PITPNM2: variants seen among roughly 807,000 people sequenced by gnomAD.
The protein encoded by PITPNM2 is membrane-associated phosphatidylinositol transfer protein 2.
Under a neutral mutation model 132.2 loss-of-function variants are expected in PITPNM2, and 35 were observed. That is an observed-to-expected ratio of 0.26 (90% CI 0.20 to 0.35). The LOEUF (loss-of-function observed/expected upper bound fraction) is 0.35, where lower values mean the gene tolerates loss of function less well. Ranked by LOEUF, PITPNM2 falls within the 10% of genes least tolerant of loss-of-function variation. The probability of loss-of-function intolerance (pLI) is 1.00; values close to 1 mark genes in which losing one functional copy is unlikely to be tolerated. For synonymous variants in PITPNM2, 738 were observed against 799.2 expected (o/e 0.92, Z 1.29); for missense variants, 1,332 against 1,912.0 (o/e 0.70, Z 5.66).
chr12:123,105,623 G>A (rs552508422), intron 2 of PITPNM2: 200 of 152,262 alleles, frequency 1.3e-3, no homozygotes, highest in Admixed American at 2.5e-3. Flanking sequence ...CCTGGTTACC[G>A]GGAGGCATGA....
At chr12:123,127,464 T>C (rs536883177) in intron 1 of PITPNM2, among the ~76,000 whole-genome samples, 2 of 152,330 alleles carry the variant, frequency 1.3e-5, no homozygotes, top group East Asian at 3.9e-4. Flanking sequence ...GTTTGCCTAC[T>C]TATTTTGCAA....
intron 14 of PITPNM2, 108 bp downstream of exon 14, chr12:122,995,281 T>C: frequency 1.4e-6 from 2 of 1,453,178 alleles, no homozygotes; most frequent in Middle Eastern, 2.5e-4. Context: ...TGGGGGAACC[T>C]CAGGCAGACA....
chr12:123,010,208 A>G, intron 5 of PITPNM2, 131 bp from the exon 6 acceptor site: 1 of 724,998 alleles, frequency 1.4e-6, no homozygotes, highest in Non-Finnish European at 2.3e-6. Flanking sequence ...CCTGGGAGTG[A>G]GGATCATGTT....
intron 1 of PITPNM2, among the ~76,000 whole-genome samples, chr12:123,139,244 T>TA (rs1451847018): frequency 2.0e-5 from 3 of 152,176 alleles, no homozygotes; most frequent in African/African-American, 7.2e-5. Flanking sequence ...CTCACACCTG[T>TA]AATCCCAGCA....
At position 123,022,949 on chromosome 12, in the gene PITPNM2, C is replaced by A. The variant is rs2039726056; in HGVS notation, c.79-8907G>T. Reference sequence around the variant, plus strand: ...CTCCCTCCCCAGAGCCCCGCTGGGACCAAGCAAGGCGGGCTGTGCTCTGCT... The same window carrying A: ...CTCCCTCCCCAGAGCCCCGCTGGGAACAAGCAAGGCGGGCTGTGCTCTGCT... On this transcript the variant is annotated intron_variant, in intron 3 of 25. Coordinates refer to ENST00000320201, the MANE Select transcript of PITPNM2 (RefSeq NM_020845.3). This position sits in a 1 kb window ranked among gnomAD's most constrained non-coding sequence, Gnocchi z 4.9. Among the ~76,000 whole-genome samples the A allele has an allele frequency of 6.6e-6, 1 of 152,234 alleles. No individual in the cohort carries two copies. The highest frequency in any genetic ancestry group is 1.5e-5 in the Non-Finnish European group (1 of 68,036).
rs754487931 is a variant in PITPNM2 at position 123,108,369 on chromosome 12, T to G, written c.-96+2016A>C. 2.6e-5 allele frequency among the ~76,000 whole-genome samples: 4 copies of G among 152,184 alleles called. No individual in the cohort carries two copies. Among genetic ancestry groups the G allele is most frequent in the Non-Finnish European group, 5.9e-5 (4 of 68,030 alleles). On this transcript the variant is annotated intron_variant, in intron 2 of 25. Coordinates refer to ENST00000320201, the MANE Select transcript of PITPNM2 (RefSeq NM_020845.3). This position sits in a 1 kb window ranked among gnomAD's most constrained non-coding sequence, Gnocchi z 4.4. Reference sequence around the variant, plus strand: ...TTAAGAAGGAATAGAACCTCCTTCCTGTAAGAAAGGAGACAGGAGACCAAG... The same window carrying G: ...TTAAGAAGGAATAGAACCTCCTTCCGGTAAGAAAGGAGACAGGAGACCAAG...
In PITPNM2 at chr12:123,078,505, T is replaced by TGACC. The variant is rs1181122195; in HGVS notation, c.-96+31876_-96+31879dup. 4.6e-5 allele frequency among the ~76,000 whole-genome samples: 7 copies of TGACC among 152,168 alleles called. No homozygotes were observed. Among genetic ancestry groups the TGACC allele is most frequent in the African/African-American group, 1.7e-4 (7 of 41,538 alleles). ...GAAGTCGGGACCCCAGAGACTAAAG[T>TGACC]GACCCTCTCCCCGGGCTTAGGTGAT... On this transcript the variant is annotated intron_variant, in intron 2 of 25. Coordinates refer to ENST00000320201, the MANE Select transcript of PITPNM2 (RefSeq NM_020845.3). This position sits in a 1 kb window ranked among gnomAD's most constrained non-coding sequence, Gnocchi z 7.3.
chr12:123,142,547 T>C (rs1365406984), intron 1 of PITPNM2, among the ~76,000 whole-genome samples: 1 of 152,214 alleles, frequency 6.6e-6, no homozygotes, highest in South Asian at 2.1e-4. Flanking sequence ...AAACTAGTAG[T>C]TCCTGACTGC....
In PITPNM2 at chr12:122,988,797, G is replaced by A. The variant is rs771123069; in HGVS notation, c.2807C>T (p.Thr936Met). 1.1e-5 allele frequency: 18 copies of A among 1,585,054 alleles called. No homozygotes were observed. Among genetic ancestry groups the A allele is most frequent in the Non-Finnish European group, 1.5e-5 (17 of 1,165,806 alleles). The change falls in exon 19 of 26, where the codon ACG (threonine) becomes ATG (methionine). Residue 936 changes from threonine (T) to methionine (M), a missense_variant. Thr to Met is a moderately conservative substitution (Grantham distance 81, BLOSUM62 -1). Coordinates refer to ENST00000320201, the MANE Select transcript of PITPNM2 (RefSeq NM_020845.3). The stretch of plus-strand genomic sequence containing the variant: ...GTGGAAGAGGTGAGGCAGAGCCACC[G>A]TGGGGAAGGCCGTGAGGGCGTCAGG... ...YCPDALTAFP[T>M]VALPHLFHAS...
chr12:123,097,783 G>A lies in PITPNM2; in HGVS notation c.-96+12602C>T, dbSNP rs1441430004. 6.6e-6 allele frequency among the ~76,000 whole-genome samples: 1 copy of A among 152,232 alleles called. No homozygotes were observed. Among genetic ancestry groups the A allele is most frequent in the Non-Finnish European group, 1.5e-5 (1 of 68,032 alleles). ...GCCTTGAAGACATTCACGTGAAGAT[G>A]ACGGGCAGGTCCCCAGCTCCTGGGC... On this transcript the variant is annotated intron_variant, in intron 2 of 25. Transcript: ENST00000320201. This position sits in a 1 kb window ranked among gnomAD's most constrained non-coding sequence, Gnocchi z 4.7.
At chr12:123,075,288 C>T (rs2041749776) in intron 2 of PITPNM2, among the ~76,000 whole-genome samples, 1 of 152,230 alleles carries the variant, frequency 6.6e-6, no homozygotes, top group South Asian at 2.1e-4. Flanking sequence ...AGTCATCATG[C>T]AACACCACCA....
chr12:123,147,645 A>G (rs2137726500), intron 1 of PITPNM2, among the ~76,000 whole-genome samples: 1 of 152,328 alleles, frequency 6.6e-6, no homozygotes, highest in Admixed American at 6.5e-5. Flanking sequence ...GCTAGACAGA[A>G]TATCACATTG....
intron 1 of PITPNM2, among the ~76,000 whole-genome samples, chr12:123,142,247 G>A (rs1231624701): frequency 6.6e-6 from 1 of 152,200 alleles, no homozygotes; most frequent in African/African-American, 2.4e-5. Flanking sequence ...TGCATCCCTT[G>A]CTACTCCCAG....
intron 2 of PITPNM2, chr12:123,084,295 T>G (rs934953143): frequency 1.3e-5 from 2 of 152,272 alleles, no homozygotes; most frequent in Non-Finnish European, 2.9e-5. Context: ...GCTGTTTGCA[T>G]CTTCGGTTAT....
intron 1 of PITPNM2, among the ~76,000 whole-genome samples, chr12:123,130,017 G>A (rs545994722): frequency 1.3e-5 from 2 of 151,642 alleles, no homozygotes; most frequent in Non-Finnish European, 2.9e-5. Context: ...TGATCCTCCC[G>A]CCTTGGCCTC....
chr12:123,068,268 A>T (rs4759403), intron 2 of PITPNM2, among the ~76,000 whole-genome samples: 11 of 151,760 alleles, frequency 7.2e-5, no homozygotes, highest in East Asian at 3.9e-4. Flanking sequence ...GAGATCGAGA[A>T]CATCCTGGCT....
intron 2 of PITPNM2, among the ~76,000 whole-genome samples, chr12:123,073,855 C>G (rs2041693644): frequency 6.6e-6 from 1 of 152,208 alleles, no homozygotes; most frequent in Non-Finnish European, 1.5e-5. Context: ...GCTCCTTCCT[C>G]TCTCTAATTC....
chr12:123,136,250 C>T lies in PITPNM2; in HGVS notation c.-200+14503G>A, dbSNP rs144288399. ...CCAGGAGGCAGAGCTTGCAGTGAGC[C>T]GAGATCGCACCACTGCACTCCAGCC... On this transcript the variant is annotated intron_variant, in intron 1 of 25. Transcript: ENST00000320201. 8.2e-3 allele frequency among the ~76,000 whole-genome samples: 1,247 copies of T among 151,470 alleles called. 35 individuals carry two copies. The highest frequency in any genetic ancestry group is 0.071 in the East Asian group (367 of 5,134).
At chr12:123,062,977 A>G (rs71456785) in intron 2 of PITPNM2, among the ~76,000 whole-genome samples, 1 of 152,260 alleles carries the variant, frequency 6.6e-6, no homozygotes, top group Non-Finnish European at 1.5e-5. Context: ...CAAAGAGATG[A>G]GTCACACACG....
Sources: allele counts gnomAD v4.1 joint callset (sites outside exome capture counted in the v4.1 genomes callset), GRCh38; gene constraint gnomAD v4.1.1; non-coding constraint Gnocchi (gnomAD v3.1); transcripts MANE v1.5; gene names NCBI Gene and HGNC (gene_info 2026-07-23, HGNC 2026-07-21).